SQSTM1: variants seen among roughly 807,000 people sequenced by gnomAD.
The protein encoded by SQSTM1 is sequestosome-1.
Under a neutral mutation model 45.1 loss-of-function variants are expected in SQSTM1, and 36 were observed. The ratio of observed to expected loss-of-function variants is 0.80; its 90% confidence interval spans 0.61 to 1.05. The LOEUF (loss-of-function observed/expected upper bound fraction) is 1.05. Among genes scored for constraint, SQSTM1 ranks in the 50% least tolerant of loss-of-function variants. The probability of loss-of-function intolerance (pLI) is 0.00; values close to 1 mark genes in which losing one functional copy is unlikely to be tolerated. For synonymous variants in SQSTM1, 290 were observed against 244.3 expected, an observed-to-expected ratio of 1.19 and a Z score of -1.74; for missense variants, 617 against 607.1, an observed-to-expected ratio of 1.02 and a Z score of -0.17.
At position 179,821,463 on chromosome 5, in the gene SQSTM1, G is replaced by A. The variant is rs902197620; in HGVS notation, c.205+322G>A. 5.2e-6 allele frequency: 3 copies of A among 572,800 alleles called. No homozygotes were observed. In the African/African-American group the frequency reaches 5.7e-5, roughly 11 times the overall value. 35.5% of individuals were successfully genotyped at this position (572,800 alleles called of 1,614,324 possible). ...CCCGCGCTGTTGGGGATTTTGGCAA[G>A]GACGCGCCGGGGCGAACGCTCTGGC... On this transcript the variant is annotated intron_variant, in intron 1 of 7. Coordinates refer to ENST00000389805, the MANE Select transcript of SQSTM1 (RefSeq NM_003900.5).
At chr5:179,822,303 C>G (rs947343359) in intron 1 of SQSTM1, among the ~76,000 whole-genome samples, 1 of 151,940 alleles carries the variant, frequency 6.6e-6, no homozygotes, top group Non-Finnish European at 1.5e-5. Context: ...GTGGACAGGC[C>G]ATGTTTTGTT....
chr5:179,816,531 C>G (rs1757584280), upstream of SQSTM1, among the ~76,000 whole-genome samples: 1 of 152,236 alleles, frequency 6.6e-6, no homozygotes, highest in Non-Finnish European at 1.5e-5. Context: ...TCCACGGGAT[C>G]CCACACTCCT....
intron 7 of SQSTM1, among the ~76,000 whole-genome samples, chr5:179,834,921 C>T (rs1231247091): frequency 6.6e-6 from 1 of 152,238 alleles, no homozygotes; most frequent in Non-Finnish European, 1.5e-5. Flanking sequence ...CTGTTGGGTA[C>T]ACCTCCCAGA....
chr5:179,822,107 C>T (rs535332151), intron 1 of SQSTM1, among the ~76,000 whole-genome samples: 2 of 152,318 alleles, frequency 1.3e-5, no homozygotes, highest in South Asian at 4.1e-4. Flanking sequence ...CCTTTTATCA[C>T]CCTCTTATCC....
intron 2 of SQSTM1, chr5:179,813,467 A>G (rs1000419685): frequency 1.3e-5 from 2 of 152,230 alleles, no homozygotes; most frequent in Non-Finnish European, 2.9e-5. Context: ...AGCTGTGCAT[A>G]AAGTCTAAAA....
chr5:179,818,951 GTGTC>G (rs1165278758), upstream of SQSTM1: 15 of 152,768 alleles, frequency 9.8e-5, no homozygotes, highest in Middle Eastern at 6.7e-3. Context: ...AAGGGGGAGA[GTGTC>G]TGTCTGGCTC....
At chr5:179,818,051 G>T (rs1453411681), upstream of SQSTM1, among the ~76,000 whole-genome samples, 1 of 144,596 alleles carries the variant, frequency 6.9e-6, no homozygotes, top group African/African-American at 2.6e-5. Context: ...GTGATGTCCA[G>T]TGCCTGGGGA....
intron 1 of SQSTM1, among the ~76,000 whole-genome samples, chr5:179,810,433 A>T (rs1757363214): frequency 6.6e-6 from 1 of 152,214 alleles, no homozygotes; most frequent in Non-Finnish European, 1.5e-5. Context: ...TGTCCCTACA[A>T]AGGACATGAA....
chr5:179,833,564 G>A (rs200793330), intron 6 of SQSTM1, 23 bp from the exon 7 acceptor site: 9 of 1,613,768 alleles, frequency 5.6e-6, no homozygotes, highest in Non-Finnish European at 7.6e-6. Context: ...TCTCCTGTGT[G>A]CTCATGGTGA....
upstream of SQSTM1, among the ~76,000 whole-genome samples, chr5:179,816,277 T>C (rs1757574543): frequency 6.6e-6 from 1 of 152,216 alleles, no homozygotes; most frequent in Non-Finnish European, 1.5e-5. Flanking sequence ...GCCTCCCGAC[T>C]AGCTGGGACT....
chr5:179,820,810 G>A (rs946129207), upstream of SQSTM1: 3 of 922,290 alleles, frequency 3.3e-6, no homozygotes, highest in African/African-American at 3.5e-5. Flanking sequence ...GACGACGGTG[G>A]CGGGGGCGGG....
Position 179,833,075 on chromosome 5 carries a change from C to T in SQSTM1, c.798C>T (p.Ser266=). Residue 266 remains serine (S), a synonymous_variant, in exon 6 of 8, where the codon AGC becomes AGT. Transcript: ENST00000389805. ...ATGTGGAGCACGGAGGGAAAAGAAG[C>T]CGCCTGACCCCCGTCTCTCCAGAGA... The part of the protein sequence containing the change: ...DIDVEHGGKR[S]RLTPVSPESS... 1 of 1,614,170 alleles carries T rather than the reference C, an allele frequency of 6.2e-7. No homozygotes were observed. The highest frequency in any genetic ancestry group is 8.5e-7 in the Non-Finnish European group (1 of 1,180,012).
chr5:179,819,276 A>C (rs1021219490), upstream of SQSTM1, among the ~76,000 whole-genome samples: 1 of 151,256 alleles, frequency 6.6e-6, no homozygotes, highest in African/African-American at 2.4e-5. Flanking sequence ...CCGGGTGTCC[A>C]CCCCAGCTTC....
At chr5:179,813,483 AGAG>A (rs1181512452) in intron 2 of SQSTM1, 3 of 152,228 alleles carry the variant, frequency 2.0e-5, no homozygotes, top group African/African-American at 2.4e-5. Flanking sequence ...TAAAACAAGA[AGAG>A]GAGTGGAGGC....
chr5:179,821,138 C>G lies in SQSTM1; in HGVS notation c.202C>G (p.Arg68Gly). 7.4e-7 allele frequency: 1 copy of G among 1,348,942 alleles called. No homozygotes were observed. Among genetic ancestry groups the G allele is most frequent in the Non-Finnish European group, 9.5e-7 (1 of 1,056,372 alleles). The allele number at this position is 1,348,942 out of a possible 1,614,324, so 83.6% of individuals were successfully genotyped here. A position where few individuals can be genotyped will look rare whatever the true frequency, so the allele number is the denominator to read the frequency against. The change falls in exon 1 of 8, where the codon CGC (arginine) becomes GGC (glycine). Residue 68 changes from arginine (R) to glycine (G), a missense_variant. Transcript: ENST00000389805. ...GCCTGGCGGCTTCCAGGCGCACTAC[C>G]GCGGTGAGCGGGCCGGGGAGCGGCG... is the stretch of plus-strand genomic sequence containing the variant. ...LRPGGFQAHY[R>G]DEDGDLVAFS...
In SQSTM1 at chr5:179,833,767, C is replaced by T. The variant is rs779915504; in HGVS notation, c.1150C>T (p.Pro384Ser). The T allele has an allele frequency of 3.1e-6, 5 of 1,613,972 alleles. No homozygotes were observed. Among genetic ancestry groups the T allele is most frequent in the Middle Eastern group, 3.3e-4 (2 of 6,084 alleles). ...PTGLKEAALY[P>S]HLPPEADPRL... is the part of the protein sequence containing the mutation. The stretch of plus-strand genomic sequence containing the variant: ...AGGGCTGAAGGAAGCTGCCTTGTAC[C>T]CACATCTCCCGCCAGGCAAGTGAAC... The change falls in exon 7 of 8, where the codon CCA becomes TCA. Residue 384 changes from proline to serine, a missense_variant. Coordinates refer to ENST00000389805, the MANE Select transcript of SQSTM1 (RefSeq NM_003900.5).
intron 3 of SQSTM1, 27 bp downstream of exon 3, chr5:179,824,114 G>GGGT (rs1562655244): frequency 6.2e-7 from 1 of 1,613,694 alleles, no homozygotes; most frequent in Non-Finnish European, 8.5e-7. Context: ...TGCAGGCCTG[G>GGGT]GGTGGGCTCA....
chr5:179,833,003 C>T (rs375848315), intron 5 of SQSTM1, 29 bp from the exon 6 acceptor site: 46 of 1,612,484 alleles, frequency 2.9e-5, no homozygotes, highest in East Asian at 1.1e-4. Context: ...GGGAACTTCA[C>T]GGCTTGCTCT....
chr5:179,814,884 G>A (rs753374300), upstream of SQSTM1, among the ~76,000 whole-genome samples: 2 of 152,042 alleles, frequency 1.3e-5, no homozygotes, highest in Non-Finnish European at 1.5e-5. Context: ...ATCATACCAC[G>A]GCACTCCAGA....
Sources: gnomAD v4.1 joint callset for allele counts (sites outside exome capture counted in the v4.1 genomes callset) on GRCh38, gnomAD v4.1.1 for gene constraint, MANE v1.5 for transcripts, NCBI Gene and HGNC (gene_info 2026-07-23, HGNC 2026-07-21) for gene names.